WDR70: variants seen among roughly 807,000 people sequenced by gnomAD.
WDR70 encodes WD repeat domain 70, also known as WD repeat-containing protein 70.
WDR70 carries 53 observed loss-of-function variants against 88.6 expected under a neutral mutation model. The observed-to-expected ratio is 0.60, with a 90% CI of 0.48 to 0.75. The LOEUF (loss-of-function observed/expected upper bound fraction) is 0.75, where lower values mean the gene tolerates loss of function less well. Among genes scored for constraint, WDR70 ranks in the 30% least tolerant of loss-of-function variants. The pLI is 0.00. For missense variants in WDR70, 610 were observed against 823.2 expected, an observed-to-expected ratio of 0.74 and a Z score of 3.17; for synonymous variants, 280 against 270.0, an observed-to-expected ratio of 1.04 and a Z score of -0.36.
chr5:37,497,109 C>A (rs1740239698), intron 8 of WDR70, among the ~76,000 whole-genome samples: 1 of 152,154 alleles, frequency 6.6e-6, no homozygotes, highest in South Asian at 2.1e-4. Context: ...CTGTTAACTG[C>A]TAGTCACTAT....
At chr5:37,516,320 A>G (rs551056719) in intron 8 of WDR70, among the ~76,000 whole-genome samples, 194 bp from the exon 9 acceptor site, 2 of 152,330 alleles carry the variant, frequency 1.3e-5, no homozygotes, top group South Asian at 2.1e-4. Flanking sequence ...GTGGTACACA[A>G]AGAGTTAAAG....
intron 10 of WDR70, among the ~76,000 whole-genome samples, chr5:37,693,829 T>C (rs1746892663): frequency 6.6e-6 from 1 of 152,108 alleles, no homozygotes; most frequent in African/African-American, 2.4e-5. Flanking sequence ...CCAAAAGCAA[T>C]GGCAACAGAA....
At chr5:37,739,796 C>T (rs1011749609) in intron 17 of WDR70, among the ~76,000 whole-genome samples, 1 of 152,034 alleles carries the variant, frequency 6.6e-6, no homozygotes, top group Non-Finnish European at 1.5e-5. Flanking sequence ...CCTCCCCCAG[C>T]CCCCCATACC....
At chr5:37,477,179 G>A (rs904983987) in intron 7 of WDR70, among the ~76,000 whole-genome samples, 1 of 152,142 alleles carries the variant, frequency 6.6e-6, no homozygotes, top group Non-Finnish European at 1.5e-5. Flanking sequence ...GCCATACTCT[G>A]TGCTTTTATT....
chr5:37,480,194 G>A (rs1739619677), intron 8 of WDR70, among the ~76,000 whole-genome samples: 1 of 152,090 alleles, frequency 6.6e-6, no homozygotes, highest in African/African-American at 2.4e-5. Context: ...GATACAAAAG[G>A]GGCCCAGATG....
At chr5:37,488,009 T>A (rs866825210) in intron 8 of WDR70, among the ~76,000 whole-genome samples, 2 of 152,128 alleles carry the variant, frequency 1.3e-5, no homozygotes, top group Admixed American at 1.3e-4. Context: ...AATTTCCTGC[T>A]TTTGTTTGCC....
intron 9 of WDR70, among the ~76,000 whole-genome samples, chr5:37,597,981 G>A (rs1743752379): frequency 6.6e-6 from 1 of 152,132 alleles, no homozygotes; most frequent in Admixed American, 6.5e-5. Context: ...ATTTAAATTA[G>A]CTTTTATATG....
rs576533483 is a variant in WDR70 at position 37,525,810 on chromosome 5, G to A, written c.917+9220G>A. Among the ~76,000 whole-genome samples, 10 of 152,136 alleles carry A rather than the reference G, an allele frequency of 6.6e-5. No individual in the cohort carries two copies. The South Asian group carries it at 1.5e-3, about 22-fold the overall frequency. ...AAATGATAAAGGGGATATCACCACCGATCTCACAGAAATACAAACTACCAT... is the reference window on the plus strand; with the variant it reads ...AAATGATAAAGGGGATATCACCACCAATCTCACAGAAATACAAACTACCAT... On this transcript the variant is annotated intron_variant, in intron 9 of 17. Coordinates refer to ENST00000265107, the MANE Select transcript of WDR70 (RefSeq NM_018034.4).
intron 7 of WDR70, among the ~76,000 whole-genome samples, chr5:37,444,999 G>T (rs796575358): frequency 4.6e-5 from 7 of 152,214 alleles, no homozygotes; most frequent in African/African-American, 1.7e-4. Context: ...CCCTCCCAAC[G>T]CCTGCCGTGC....
chr5:37,515,431 A>C (rs1740857432), intron 8 of WDR70, among the ~76,000 whole-genome samples: 2 of 152,218 alleles, frequency 1.3e-5, no homozygotes, highest in African/African-American at 4.8e-5. Context: ...CCTTGAGTTC[A>C]GGGGTGGAAA....
At chr5:37,495,577 A>T (rs1740192643) in intron 8 of WDR70, among the ~76,000 whole-genome samples, 1 of 152,084 alleles carries the variant, frequency 6.6e-6, no homozygotes, top group Non-Finnish European at 1.5e-5. Context: ...AGAAATAAAT[A>T]GTTGCTTAAT....
intron 4 of WDR70, 79 bp downstream of exon 4, chr5:37,392,199 T>C (rs2111886726): frequency 1.4e-6 from 2 of 1,460,834 alleles, no homozygotes. Context: ...TTTTTTAATT[T>C]TTTTGAGATG....
At chr5:37,421,157 G>C (rs1178759991) in intron 5 of WDR70, among the ~76,000 whole-genome samples, 1 of 152,144 alleles carries the variant, frequency 6.6e-6, no homozygotes, top group African/African-American at 2.4e-5. Flanking sequence ...GTAAATGGCG[G>C]AGTCAGGTTT....
intron 17 of WDR70, among the ~76,000 whole-genome samples, chr5:37,729,509 G>A (rs1248771846): frequency 2.6e-5 from 4 of 152,108 alleles, no homozygotes; most frequent in Non-Finnish European, 5.9e-5. Context: ...TTCTTTCTCC[G>A]TTAATGAGAA....
At chr5:37,381,495 A>T (rs555357022) in intron 2 of WDR70, 107 bp from the exon 3 acceptor site, 2 of 849,660 alleles carry the variant, frequency 2.4e-6, no homozygotes, top group South Asian at 2.7e-5. Flanking sequence ...TATTGGAGCC[A>T]TGCTATAAAC....
At chr5:37,417,824 G>A (rs191773353) in intron 5 of WDR70, among the ~76,000 whole-genome samples, 6 of 152,322 alleles carry the variant, frequency 3.9e-5, no homozygotes, top group Non-Finnish European at 8.8e-5. Flanking sequence ...TGGGATTATA[G>A]ACATGAACCA....
intron 3 of WDR70, among the ~76,000 whole-genome samples, chr5:37,385,721 A>G (rs1748590195): frequency 6.6e-6 from 1 of 151,912 alleles, no homozygotes; most frequent in Non-Finnish European, 1.5e-5. Context: ...GCTTCTAATG[A>G]ATAACAAGAG....
In WDR70 at chr5:37,516,623, C is replaced by G. The variant is rs1740892936; in HGVS notation, c.917+33C>G. 2.8e-6 allele frequency: 4 copies of G among 1,432,648 alleles called. No individual in the cohort carries two copies. The African/African-American group carries it at 4.2e-5, about 15-fold the overall frequency. 88.7% of individuals were successfully genotyped at this position (1,432,648 alleles called of 1,614,324 possible). A position where few individuals can be genotyped will look rare whatever the true frequency, so the allele number is the denominator to read the frequency against. On this transcript the variant is annotated intron_variant, in intron 9 of 17. Transcript: ENST00000265107. Reference sequence around the variant, plus strand: ...TTGTTGATAATTCATCTAATACATTCATATCTTTAGGTATTTTATTTAACG... The same window carrying G: ...TTGTTGATAATTCATCTAATACATTGATATCTTTAGGTATTTTATTTAACG...
chr5:37,396,533 A>C lies in WDR70; in HGVS notation c.455A>C (p.Glu152Ala), dbSNP rs779554328. Residue 152 changes from glutamate to alanine, a missense_variant, in exon 5 of 18, where the codon GAA becomes GCA. By Grantham distance (107) the Glu-to-Ala change is moderately radical. This residue lies in a region of WDR70 where 203 missense variants were observed against 228.1 expected (regional missense o/e 0.89). Transcript: ENST00000265107. Reference protein sequence around the residue: ...LPPPLNEEEEEAEEEEEEEEE... With the variant: ...LPPPLNEEEEAAEEEEEEEEE... The stretch of plus-strand genomic sequence containing the variant: ...CCACCTCTTAATGAAGAAGAAGAAG[A>C]AGCAGAGGAAGAAGAAGAGGAAGAG... The C allele has an allele frequency of 1.7e-5, 28 of 1,612,434 alleles. No individual in the cohort carries two copies. Among genetic ancestry groups the C allele is most frequent in the East Asian group, 6.7e-5 (3 of 44,880 alleles).
Sources: allele counts gnomAD v4.1 joint callset (sites outside exome capture counted in the v4.1 genomes callset), GRCh38; gene constraint gnomAD v4.1.1; regional missense constraint gnomAD v4.1.1; transcripts MANE v1.5; gene names NCBI Gene and HGNC (gene_info 2026-07-23, HGNC 2026-07-21).